The following PCCA variants were observed in gnomAD, a reference collection of about 807,000 sequenced individuals.
PCCA encodes the protein propionyl-CoA carboxylase subunit alpha.
A neutral mutation model predicts 101.3 loss-of-function variants in PCCA; 74 were observed. The observed-to-expected ratio is 0.73, with a 90% confidence interval of 0.61 to 0.89. The LOEUF (loss-of-function observed/expected upper bound fraction) is 0.89. Among genes scored for constraint, PCCA ranks in the 40% least tolerant of loss-of-function variants. The pLI is 0.00. For missense variants in PCCA, 891 were observed against 907.0 expected (o/e 0.98, Z 0.23); for synonymous variants, 294 against 313.6 (o/e 0.94, Z 0.66).
In PCCA at chr13:100,320,769, T is replaced by C. The variant is rs1023696084; in HGVS notation, c.1430-9792T>C. ...TTTTTGCATCGATGTTCATGAGGAA[T>C]ATTTTAGGGCCTCTCTGTATTGCCT... On this transcript the variant is annotated intron_variant, in intron 16 of 23. Transcript: ENST00000376285. 2.6e-5 allele frequency among the ~76,000 whole-genome samples: 4 copies of C among 152,268 alleles called. No homozygotes were observed. The East Asian group carries it at 7.7e-4, about 29-fold the overall frequency.
In PCCA at chr13:100,110,302, A is replaced by G. The variant is rs2048193500; in HGVS notation, c.184-1539A>G. Among the ~76,000 whole-genome samples, 3 of 152,330 alleles carry G rather than the reference A, an allele frequency of 2.0e-5. No homozygotes were observed. In the South Asian group the frequency reaches 6.2e-4, roughly 32 times the overall value. Reference sequence around the variant, plus strand: ...CAGAAATTACCGTGTGCTAATGTGTATTACATCCAAATTACTTGGAATGGT... The same window carrying G: ...CAGAAATTACCGTGTGCTAATGTGTGTTACATCCAAATTACTTGGAATGGT... On this transcript the variant is annotated intron_variant, in intron 2 of 23. Coordinates refer to ENST00000376285, the MANE Select transcript of PCCA (RefSeq NM_000282.4).
intron 21 of PCCA, among the ~76,000 whole-genome samples, chr13:100,504,633 T>C (rs142796978): frequency 6.6e-6 from 1 of 152,310 alleles, no homozygotes; most frequent in Non-Finnish European, 1.5e-5. Context: ...CTGAGGCTTC[T>C]TCATACAAGA....
At chr13:100,341,942 G>A (rs1384510276) in intron 18 of PCCA, among the ~76,000 whole-genome samples, 3 of 74,986 alleles carry the variant, frequency 4.0e-5, no homozygotes, top group African/African-American at 5.6e-5. Flanking sequence ...TAATGTTTTG[G>A]TAGAACCCTT....
At chr13:100,212,073 G>A (rs1310424742) in intron 7 of PCCA, among the ~76,000 whole-genome samples, 2 of 152,138 alleles carry the variant, frequency 1.3e-5, no homozygotes, top group African/African-American at 4.8e-5. Context: ...TCAAATGTAT[G>A]TATCTGTTCT....
Position 100,187,012 on chromosome 13 carries a change from A to T in PCCA, c.469-22320A>T, listed in dbSNP as rs139857607. On this transcript the variant is annotated intron_variant, in intron 6 of 23. Transcript: ENST00000376285. ...ACATGTAGTAGCTTATGTAAACATT[A>T]GTGTTAGATTAGATTTGTAAAATTC... 2.0e-3 allele frequency among the ~76,000 whole-genome samples: 308 copies of T among 152,328 alleles called. 2 individuals carry two copies. The highest frequency in any genetic ancestry group is 7.0e-3 in the African/African-American group (293 of 41,570).
chr13:100,442,463 G>T (rs1334899220), intron 20 of PCCA, among the ~76,000 whole-genome samples: 1 of 152,182 alleles, frequency 6.6e-6, no homozygotes, highest in African/African-American at 2.4e-5. Context: ...TGTTTTTAAT[G>T]TGAAAATTTG....
chr13:100,108,668 G>A lies in PCCA; in HGVS notation c.184-3173G>A, dbSNP rs190483357. 1.4e-4 allele frequency among the ~76,000 whole-genome samples: 22 copies of A among 152,220 alleles called. No individual in the cohort carries two copies. In the East Asian group the frequency reaches 3.7e-3, roughly 25 times the overall value. On this transcript the variant is annotated intron_variant, in intron 2 of 23. Coordinates refer to ENST00000376285, the MANE Select transcript of PCCA (RefSeq NM_000282.4). ...ATTTAACACAATTTGTTGTGTTTGT[G>A]CCATATTTTACTTTGAAGTTGCCAA... is the stretch of plus-strand genomic sequence containing the variant.
chr13:100,258,071 C>G (rs2062198080), intron 9 of PCCA, among the ~76,000 whole-genome samples: 2 of 152,088 alleles, frequency 1.3e-5, no homozygotes, highest in Admixed American at 1.3e-4. Context: ...TAATGTATTA[C>G]CTCAATATGT....
At chr13:100,339,914 A>G (rs557675591) in intron 17 of PCCA, among the ~76,000 whole-genome samples, 1 of 152,156 alleles carries the variant, frequency 6.6e-6, no homozygotes, top group Non-Finnish European at 1.5e-5. Flanking sequence ...CATCTGTTGA[A>G]TATCTTCTTT....
In PCCA at chr13:100,530,297, G is replaced by A; in HGVS notation, c.*131G>A. ...CGTTTACGTCGTCATTTATTCCACA[G>A]AGTCAAGACCAATATTCTGCCAAAA... is the stretch of plus-strand genomic sequence containing the variant. On this transcript the variant is annotated 3_prime_UTR_variant, in exon 24 of 24. Transcript: ENST00000376285. The A allele has an allele frequency of 1.3e-6, 1 of 774,074 alleles. No homozygotes were observed. The highest frequency in any genetic ancestry group is 2.3e-6 in the Non-Finnish European group (1 of 440,136). 48.0% of individuals were successfully genotyped at this position (774,074 alleles called of 1,614,324 possible).
intron 16 of PCCA, among the ~76,000 whole-genome samples, chr13:100,318,225 C>T (rs1410835338): frequency 7.9e-5 from 12 of 152,214 alleles, no homozygotes; most frequent in South Asian, 2.1e-4. Flanking sequence ...CACCCAGCAC[C>T]GTTCTCTCCT....
At chr13:100,136,857 T>TTGA (rs1407128997) in intron 4 of PCCA, among the ~76,000 whole-genome samples, 4 of 152,014 alleles carry the variant, frequency 2.6e-5, no homozygotes, top group South Asian at 4.1e-4. Flanking sequence ...TTAGGTTGCA[T>TTGA]TGATGTCTTT....
intron 2 of PCCA, among the ~76,000 whole-genome samples, chr13:100,103,475 C>G (rs1395947289): frequency 1.3e-5 from 2 of 151,506 alleles, no homozygotes; most frequent in African/African-American, 4.8e-5. Flanking sequence ...CTGCACCTGG[C>G]TAACATTTAT....
chr13:100,118,125 G>GAAAAAAAA (rs537580846), intron 4 of PCCA, among the ~76,000 whole-genome samples: 1 of 95,364 alleles, frequency 1.0e-5, no homozygotes. Flanking sequence ...CAAAAAAAAA[G>GAAAAAAAA]AAAAAAAAAA....
intron 21 of PCCA, among the ~76,000 whole-genome samples, chr13:100,495,600 T>G (rs1287502179): frequency 6.6e-6 from 1 of 152,218 alleles, no homozygotes; most frequent in Non-Finnish European, 1.5e-5. Context: ...GAAAATACCT[T>G]TTCCTGCTCT....
chr13:100,247,324 C>T (rs1160456291), intron 8 of PCCA, among the ~76,000 whole-genome samples: 3 of 148,720 alleles, frequency 2.0e-5, no homozygotes, highest in East Asian at 4.0e-4. Flanking sequence ...TCACACCGTT[C>T]TCTTGCCTCA....
chr13:100,089,934 G>GT (rs2152195051), intron 1 of PCCA, among the ~76,000 whole-genome samples: 1 of 152,264 alleles, frequency 6.6e-6, no homozygotes, highest in Non-Finnish European at 1.5e-5. Flanking sequence ...GCTTGTGTGT[G>GT]CTTCTGAGCT....
chr13:100,263,618 T>C lies in PCCA; in HGVS notation c.819+787T>C, dbSNP rs180911115. Reference sequence around the variant, plus strand: ...GGGTGGAAAATCATCATTTCAATCCTCAAATTTTCTAAAGTGAGAAAAAAT... The same window carrying C: ...GGGTGGAAAATCATCATTTCAATCCCCAAATTTTCTAAAGTGAGAAAAAAT... On this transcript the variant is annotated intron_variant, in intron 10 of 23. Transcript: ENST00000376285. Among the ~76,000 whole-genome samples the C allele has an allele frequency of 5.8e-3, 880 of 152,244 alleles. 5 individuals carry two copies. Among genetic ancestry groups the C allele is most frequent in the Admixed American group, 9.5e-3 (145 of 15,286 alleles).
At chr13:100,437,539 G>GT (rs5806161) in intron 20 of PCCA, among the ~76,000 whole-genome samples, 61,308 of 146,632 alleles carry the variant, frequency 0.42, 13,159 homozygotes, top group South Asian at 0.62. Flanking sequence ...TTGTTTATTT[G>GT]TTTTTTTTTT....
Sources: allele counts gnomAD v4.1 joint callset (sites outside exome capture counted in the v4.1 genomes callset), GRCh38; gene constraint gnomAD v4.1.1; transcripts MANE v1.5; gene names NCBI Gene and HGNC (gene_info 2026-07-23, HGNC 2026-07-21).